PCDHGA4: variants seen among roughly 807,000 people sequenced by gnomAD.
PCDHGA4 encodes the protein protocadherin gamma-A4.
PCDHGA4 carries 38 observed loss-of-function variants against 54.6 expected under a neutral mutation model. That is an observed-to-expected ratio of 0.70 (90% CI 0.54 to 0.91). The LOEUF (loss-of-function observed/expected upper bound fraction) is 0.91, where lower values mean the gene tolerates loss of function less well. PCDHGA4 is among the 40% of genes least tolerant of loss of function. PCDHGA4 has a pLI of 0.00. For missense variants in PCDHGA4, 1,298 were observed against 1,220.9 expected, an observed-to-expected ratio of 1.06 and a Z score of -0.94; for synonymous variants, 511 against 512.9, an observed-to-expected ratio of 1.00 and a Z score of 0.05.
intron 1 of PCDHGA4, chr5:141,426,871 A>G (rs887250057): frequency 2.2e-6 from 1 of 456,722 alleles, no homozygotes; most frequent in Non-Finnish European, 4.4e-6. Flanking sequence ...GTGCTGGAGA[A>G]GCCCCTGGGC....
chr5:141,417,767 T>G lies in PCDHGA4; in HGVS notation c.2514+60146T>G, dbSNP rs1333916865. 1.3e-5 allele frequency: 19 copies of G among 1,442,000 alleles called. No individual in the cohort carries two copies. The South Asian group carries it at 1.8e-4, about 13-fold the overall frequency. 89.3% of individuals were successfully genotyped at this position (1,442,000 alleles called of 1,614,324 possible). ...GATTGCCAGCTCCGAGACCCGGGAC[T>G]CCTCCTGTCCTGGGCCGAATGCTCT... On this transcript the variant is annotated intron_variant, in intron 1 of 3. Coordinates refer to ENST00000571252, the MANE Select transcript of PCDHGA4 (RefSeq NM_018917.4).
chr5:141,478,633 TGATGAA>T, intron 1 of PCDHGA4: 4 of 1,553,032 alleles, frequency 2.6e-6, no homozygotes, highest in Non-Finnish European at 3.5e-6. Flanking sequence ...GTTTTTTTAG[TGATGAA>T]GATGTTTTCC....
chr5:141,444,341 T>C (rs909401337), intron 1 of PCDHGA4, among the ~76,000 whole-genome samples: 2 of 151,892 alleles, frequency 1.3e-5, no homozygotes, highest in African/African-American at 4.8e-5. Context: ...CCAGCTAATT[T>C]TGTATTTTTA....
intron 1 of PCDHGA4, chr5:141,405,598 T>G: frequency 1.7e-6 from 1 of 577,840 alleles, no homozygotes; most frequent in South Asian, 2.2e-5. Context: ...GCCTCCCAAG[T>G]AGAATAACTG....
chr5:141,500,176 A>ATTTT (rs1468241826), intron 2 of PCDHGA4, among the ~76,000 whole-genome samples: 91 of 145,916 alleles, frequency 6.2e-4, no homozygotes, highest in African/African-American at 2.3e-3. Context: ...CATGAGCTTC[A>ATTTT]TTTTTATTTT....
At chr5:141,505,777 TCTG>T (rs77860300) in intron 3 of PCDHGA4, among the ~76,000 whole-genome samples, 6,508 of 152,280 alleles carry the variant, frequency 0.043, 161 homozygotes, top group Middle Eastern at 0.13. Context: ...AGGTCCTAGC[TCTG>T]CTACTATCCT....
chr5:141,403,952 C>T, intron 1 of PCDHGA4: 1 of 1,613,684 alleles, frequency 6.2e-7, no homozygotes, highest in Non-Finnish European at 8.5e-7. Flanking sequence ...GACAAAAGTG[C>T]TCATTTCGGT....
At chr5:141,492,587 C>G (rs2154587748) in intron 1 of PCDHGA4, among the ~76,000 whole-genome samples, 1 of 152,314 alleles carries the variant, frequency 6.6e-6, no homozygotes, top group African/African-American at 2.4e-5. Flanking sequence ...GGGCCAGGAG[C>G]GCTGGAGCGA....
intron 1 of PCDHGA4, chr5:141,390,418 A>C (rs2092141411): frequency 9.1e-7 from 1 of 1,099,654 alleles, no homozygotes; most frequent in African/African-American, 1.6e-5. Context: ...TAGTCAGTTA[A>C]AAAGCTGTCA....
intron 1 of PCDHGA4, among the ~76,000 whole-genome samples, chr5:141,386,313 A>G (rs2090530914): frequency 6.6e-6 from 1 of 152,156 alleles, no homozygotes; most frequent in Non-Finnish European, 1.5e-5. Context: ...TCAGTATATC[A>G]AGTGATTGTC....
At chr5:141,421,461 G>C (rs1216014695) in intron 1 of PCDHGA4, 2 of 1,614,034 alleles carry the variant, frequency 1.2e-6, no homozygotes, top group Non-Finnish European at 8.5e-7. Context: ...TTTTCGCTGT[G>C]AATCCGCGAA....
At chr5:141,467,460 T>G (rs1354012953) in intron 1 of PCDHGA4, among the ~76,000 whole-genome samples, 1 of 152,246 alleles carries the variant, frequency 6.6e-6, no homozygotes. Context: ...CCAGTGCTAG[T>G]ACTTGCATGG....
chr5:141,413,686 C>T, intron 1 of PCDHGA4: 4 of 1,613,812 alleles, frequency 2.5e-6, no homozygotes, highest in Non-Finnish European at 3.4e-6. Context: ...CGTGAACTCC[C>T]TGCAGAGCTA....
At chr5:141,364,420 G>C (rs1763313585) in intron 1 of PCDHGA4, 1 of 1,613,554 alleles carries the variant, frequency 6.2e-7, no homozygotes. Flanking sequence ...GATCCGGGCA[G>C]ATCCGCTACT....
At position 141,410,351 on chromosome 5, in the gene PCDHGA4, C is replaced by T. The variant is rs372351374; in HGVS notation, c.2514+52730C>T. ...TCTGGCCATTGCCTTGCGCCTGCGA[C>T]GCTCTCTCAGCCCTGCTACTTGGGA... On this transcript the variant is annotated intron_variant, in intron 1 of 3. Coordinates refer to ENST00000571252, the MANE Select transcript of PCDHGA4 (RefSeq NM_018917.4). The T allele has an allele frequency of 2.5e-6, 4 of 1,613,948 alleles. No homozygotes were observed. In the African/African-American group the frequency reaches 4.0e-5, roughly 16 times the overall value.
In PCDHGA4 at chr5:141,483,740, A is replaced by T. The variant is rs2099586227; in HGVS notation, c.2515-11067A>T. Among the ~76,000 whole-genome samples, 4 of 152,148 alleles carry T rather than the reference A, an allele frequency of 2.6e-5. No homozygotes were observed. The South Asian group carries it at 8.3e-4, about 32-fold the overall frequency. ...TGGTTCCCACCATAGTCAAAAGGATATTCCTGAGGATCGAGGCTTGGAAAA... is the reference window on the plus strand; with the variant it reads ...TGGTTCCCACCATAGTCAAAAGGATTTTCCTGAGGATCGAGGCTTGGAAAA... On this transcript the variant is annotated intron_variant, in intron 1 of 3. Transcript: ENST00000571252.
At position 141,362,557 on chromosome 5, in the gene PCDHGA4, G is replaced by T. The variant is rs760760208; in HGVS notation, c.2514+4936G>T. 7 of 1,611,836 alleles carry T rather than the reference G, an allele frequency of 4.3e-6. No individual in the cohort carries two copies. The Middle Eastern group carries it at 5.0e-4, about 114-fold the overall frequency. ...TTTTGCCTCAGATACTATTTTGAAG[G>T]TGAGCTTTAATTAATTTATTTTCAC... On this transcript the variant is annotated intron_variant, in intron 1 of 3. Transcript: ENST00000571252.
intron 1 of PCDHGA4, chr5:141,403,542 A>T (rs561106024): frequency 1.2e-6 from 2 of 1,613,990 alleles, no homozygotes; most frequent in East Asian, 4.5e-5. Context: ...CTGGTGCTGG[A>T]GCGCGCCCTG....
chr5:141,385,508 G>T (rs1430201636), intron 1 of PCDHGA4: 6 of 1,372,088 alleles, frequency 4.4e-6, no homozygotes, highest in Non-Finnish European at 5.6e-6. Flanking sequence ...TATTTCTTTA[G>T]TGAAAGCCTA....
Sources: allele counts gnomAD v4.1 joint callset (sites outside exome capture counted in the v4.1 genomes callset), GRCh38; gene constraint gnomAD v4.1.1; transcripts MANE v1.5; gene names NCBI Gene and HGNC (gene_info 2026-07-23, HGNC 2026-07-21).